The following NR1H4 variants were observed in gnomAD, a reference collection of about 807,000 sequenced individuals.
NR1H4 encodes the protein nuclear receptor subfamily 1 group H member 4, also known as bile acid receptor.
A neutral mutation model predicts 58.5 loss-of-function variants in NR1H4; 23 were observed. The ratio of observed to expected loss-of-function variants is 0.39; its 90% CI spans 0.28 to 0.56. NR1H4 has a LOEUF of 0.56. NR1H4 is among the 20% of genes least tolerant of loss of function. The pLI is 0.58. For missense variants in NR1H4, 487 were observed against 576.9 expected, an observed-to-expected ratio of 0.84 and a Z score of 1.60; for synonymous variants, 214 against 198.0, an observed-to-expected ratio of 1.08 and a Z score of -0.68.
chr12:100,505,613 C>T (rs1376965886), intron 3 of NR1H4: 1 of 701,762 alleles, frequency 1.4e-6, no homozygotes, highest in Non-Finnish European at 2.6e-6. Context: ...CATGTGTTCT[C>T]ATTTAAGAAC....
intron 9 of NR1H4, among the ~76,000 whole-genome samples, chr12:100,550,487 C>T (rs1593128024): frequency 6.6e-6 from 1 of 152,064 alleles, no homozygotes; most frequent in African/African-American, 2.4e-5. Flanking sequence ...GCCTCAGCCT[C>T]CTGAGAAGCT....
chr12:100,540,530 C>T (rs777659555), intron 8 of NR1H4, 142 bp from the exon 9 acceptor site: 136 of 827,738 alleles, frequency 1.6e-4, no homozygotes, highest in Non-Finnish European at 2.6e-5. Context: ...ATTTTATTGG[C>T]GAGTACAAAT....
chr12:100,508,489 A>G (rs1186190273), intron 3 of NR1H4, among the ~76,000 whole-genome samples: 1 of 152,116 alleles, frequency 6.6e-6, no homozygotes, highest in African/African-American at 2.4e-5. Context: ...TTACCCCCAG[A>G]GAGCAGCAAT....
chr12:100,519,655 G>A (rs547400587), intron 4 of NR1H4, among the ~76,000 whole-genome samples: 60 of 152,236 alleles, frequency 3.9e-4, no homozygotes, highest in African/African-American at 1.4e-3. Flanking sequence ...AGAGAACCCT[G>A]GGGGTTTCTC....
chr12:100,551,674 G>C (rs1255822325), intron 9 of NR1H4, among the ~76,000 whole-genome samples: 2 of 152,178 alleles, frequency 1.3e-5, no homozygotes, highest in African/African-American at 4.8e-5. Flanking sequence ...AGAATCCATT[G>C]TTCCTCAGCT....
At chr12:100,506,126 C>T (rs966941870) in intron 3 of NR1H4, among the ~76,000 whole-genome samples, 6 of 151,970 alleles carry the variant, frequency 3.9e-5, no homozygotes, top group African/African-American at 1.2e-4. Flanking sequence ...ATCATCAAGA[C>T]AGACTGTGTT....
chr12:100,534,946 C>T lies in NR1H4; in HGVS notation c.655C>T (p.His219Tyr), dbSNP rs189042762. ...GCGACTGAGAAAAAATGTGAAGCAG[C>T]ATGCAGATCAGACCGTGAATGAAGA... ...SKRLRKNVKQ[H>Y]ADQTVNEDSE... Residue 219 changes from histidine (H) to tyrosine (Y), a missense_variant, in exon 6 of 11, where the codon CAT (histidine) becomes TAT (tyrosine). Coordinates refer to ENST00000392986, the MANE Select transcript of NR1H4 (RefSeq NM_001206979.2). The T allele has an allele frequency of 5.6e-4, 903 of 1,614,168 alleles. 1 individual carries two copies. Among genetic ancestry groups the T allele is most frequent in the Non-Finnish European group, 7.2e-4 (853 of 1,180,032 alleles).
chr12:100,545,657 A>AG (rs1565777371), intron 9 of NR1H4, among the ~76,000 whole-genome samples: 11 of 146,880 alleles, frequency 7.5e-5, no homozygotes, highest in Non-Finnish European at 1.3e-4. Flanking sequence ...AAAAAAAAAA[A>AG]AAAAAAAAAA....
intron 5 of NR1H4, 28 bp downstream of exon 5, chr12:100,532,638 C>T (rs746826351): frequency 2.5e-6 from 4 of 1,606,762 alleles, no homozygotes; most frequent in South Asian, 1.1e-5. Flanking sequence ...TTACATTTCA[C>T]TAAAAATCTC....
At chr12:100,540,315 A>AAAG (rs1954905677) in intron 8 of NR1H4, among the ~76,000 whole-genome samples, 2 of 152,166 alleles carry the variant, frequency 1.3e-5, no homozygotes, top group Non-Finnish European at 2.9e-5. Flanking sequence ...TGGCTTGTAG[A>AAAG]TGCTTCCAAT....
chr12:100,555,828 G>A (rs1360410123), intron 9 of NR1H4, among the ~76,000 whole-genome samples: 3 of 152,132 alleles, frequency 2.0e-5, no homozygotes, highest in Admixed American at 2.0e-4. Flanking sequence ...TTAACCACTA[G>A]GTTTGCTGGA....
chr12:100,527,971 C>A (rs1954603703), intron 4 of NR1H4, among the ~76,000 whole-genome samples: 1 of 152,156 alleles, frequency 6.6e-6, no homozygotes, highest in Non-Finnish European at 1.5e-5. Flanking sequence ...CAGTGCCTGG[C>A]ACAAAATAAG....
In NR1H4 at chr12:100,534,912, T is replaced by C. The variant is rs1310061387; in HGVS notation, c.621T>C (p.Cys207=). 2 of 1,614,086 alleles carry C rather than the reference T, an allele frequency of 1.2e-6. No individual in the cohort carries two copies. The highest frequency in any genetic ancestry group is 1.7e-6 in the Non-Finnish European group (2 of 1,180,038). Reference sequence around the variant, plus strand: ...TAGGCTTGTTAACTGAAATTCAGTGTAAATCTAAGCGACTGAGAAAAAATG... The same window carrying C: ...TAGGCTTGTTAACTGAAATTCAGTGCAAATCTAAGCGACTGAGAAAAAATG... ...MYTGLLTEIQ[C]KSKRLRKNVK... is the part of the protein sequence containing the mutation. Residue 207 remains cysteine, a synonymous_variant, in exon 6 of 11, where the codon TGT becomes TGC. Transcript: ENST00000392986.
intron 4 of NR1H4, among the ~76,000 whole-genome samples, chr12:100,514,909 CA>C (rs2136173718): frequency 6.6e-6 from 1 of 152,080 alleles, no homozygotes; most frequent in Non-Finnish European, 1.5e-5. Context: ...TACATACAAA[CA>C]AAACTACAAA....
In NR1H4 at chr12:100,503,631, A is replaced by G. The variant is rs7973216; in HGVS notation, c.80-7147A>G. ...GCTCAGTCAGACCCAGAAGACTGGA[A>G]TGAGAGTTTGGGTTGGGGTGATTTT... On this transcript the variant is annotated intron_variant, in intron 3 of 10. Transcript: ENST00000392986. 0.082 allele frequency: 69,894 copies of G among 848,996 alleles called. 10,202 individuals carry two copies. Among genetic ancestry groups the G allele is most frequent in the East Asian group, 0.5 (17,236 of 34,748 alleles). 52.6% of individuals were successfully genotyped at this position (848,996 alleles called of 1,614,324 possible).
chr12:100,488,296 G>A (rs894078714), intron 1 of NR1H4, among the ~76,000 whole-genome samples: 10 of 152,256 alleles, frequency 6.6e-5, no homozygotes, highest in South Asian at 2.1e-4. Context: ...CACTGCATCC[G>A]GCCATAATGT....
rs12424109 is a variant in NR1H4 at position 100,496,967 on chromosome 12, A to G, written c.79+3565A>G. On this transcript the variant is annotated intron_variant, in intron 3 of 10. Transcript: ENST00000392986. ...TCTTCACCCCTGTAATGTTTATTCC[A>G]AAAAGCAGAGCCCAAATGAGGACTT... 1.2e-3 allele frequency among the ~76,000 whole-genome samples: 185 copies of G among 152,286 alleles called. 1 individual carries two copies. Among genetic ancestry groups the G allele is most frequent in the Admixed American group, 8.2e-3 (125 of 15,284 alleles).
At chr12:100,533,521 T>C (rs534127631) in intron 5 of NR1H4, among the ~76,000 whole-genome samples, 1 of 152,300 alleles carries the variant, frequency 6.6e-6, no homozygotes, top group Admixed American at 6.5e-5. Context: ...GAAAATTTTA[T>C]AGTAGCTGAT....
In NR1H4 at chr12:100,546,556, G is replaced by C. The variant is rs192767074; in HGVS notation, c.1078+5738G>C. 8.8e-4 allele frequency among the ~76,000 whole-genome samples: 134 copies of C among 152,160 alleles called. 2 individuals are homozygous for C. The highest frequency in any genetic ancestry group is 8.8e-3 in the Admixed American group (134 of 15,290). On this transcript the variant is annotated intron_variant, in intron 9 of 10. Transcript: ENST00000392986. ...TAAAAATATAAAAAATTAGCCTGGC[G>C]TGGTGGCAGGCACCTGTAATCCTAG...
Sources: allele counts gnomAD v4.1 joint callset (sites outside exome capture counted in the v4.1 genomes callset), GRCh38; gene constraint gnomAD v4.1.1; transcripts MANE v1.5; gene names NCBI Gene and HGNC (gene_info 2026-07-23, HGNC 2026-07-21).